Variants in IL1RAPL2 observed in about 807,000 individuals in gnomAD.
The protein encoded by IL1RAPL2 is X-linked interleukin-1 receptor accessory protein-like 2.
Under a neutral mutation model 44.1 loss-of-function variants are expected in IL1RAPL2, and 3 were observed. That is an observed-to-expected ratio of 0.07 (90% confidence interval 0.03 to 0.18). IL1RAPL2 has a LOEUF of 0.18. IL1RAPL2 is among the 10% of genes least tolerant of loss of function. The probability of loss-of-function intolerance (pLI) is 1.00; values close to 1 mark genes in which losing one functional copy is unlikely to be tolerated. For synonymous variants in IL1RAPL2, 181 were observed against 178.8 expected, an observed-to-expected ratio of 1.01 and a Z score of -0.10; for missense variants, 391 against 496.4, an observed-to-expected ratio of 0.79 and a Z score of 2.02.
At chrX:104,672,970 T>G (rs1393014639) in intron 2 of IL1RAPL2, among the ~76,000 whole-genome samples, 3 of 111,802 alleles carry the variant, frequency 2.7e-5, no homozygotes, top group East Asian at 2.8e-4. Context: ...TAAATTTGTT[T>G]GAGTTCATTG....
intron 2 of IL1RAPL2, among the ~76,000 whole-genome samples, chrX:105,028,819 T>C (rs970094337): frequency 9.0e-6 from 1 of 111,412 alleles, no homozygotes; most frequent in Non-Finnish European, 1.9e-5. Context: ...AGTTCTTTTC[T>C]TTAGATATTA....
chrX:104,993,295 C>T (rs1244644548), intron 2 of IL1RAPL2, among the ~76,000 whole-genome samples: 1 of 111,303 alleles, frequency 9.0e-6, no homozygotes, highest in Non-Finnish European at 1.9e-5. Flanking sequence ...TTTGCAAGTT[C>T]AGCTGTTATT....
intron 2 of IL1RAPL2, among the ~76,000 whole-genome samples, chrX:104,865,207 T>A (rs1602767165): frequency 9.0e-6 from 1 of 111,728 alleles, no homozygotes; most frequent in Admixed American, 9.5e-5. Flanking sequence ...CAGAGGTTAG[T>A]GCCACCAACA....
intron 2 of IL1RAPL2, among the ~76,000 whole-genome samples, chrX:104,989,925 C>G (rs2030631553): frequency 9.0e-6 from 1 of 111,675 alleles, no homozygotes; most frequent in African/African-American, 3.2e-5. Context: ...CTTGTTTCTT[C>G]CTCCTGCCTT....
chrX:105,043,738 G>A (rs910742784), intron 2 of IL1RAPL2, among the ~76,000 whole-genome samples: 1 of 110,928 alleles, frequency 9.0e-6, no homozygotes, highest in Non-Finnish European at 1.9e-5. Flanking sequence ...ACAAGTCTGA[G>A]TTGAAGGGAG....
At chrX:104,981,946 AATGG>A (rs764296203) in intron 2 of IL1RAPL2, among the ~76,000 whole-genome samples, 1 of 110,704 alleles carries the variant, frequency 9.0e-6, no homozygotes, top group African/African-American at 3.3e-5. Flanking sequence ...TTACTTTTAC[AATGG>A]ATGCAAAGAA....
chrX:104,838,200 G>GGCTATACAA (rs1356012253), intron 2 of IL1RAPL2, among the ~76,000 whole-genome samples: 1 of 111,476 alleles, frequency 9.0e-6, no homozygotes, highest in African/African-American at 3.3e-5. Flanking sequence ...GAATTTTCTT[G>GGCTATACAA]GCTATACAAG....
intron 1 of IL1RAPL2, among the ~76,000 whole-genome samples, chrX:104,627,367 A>T (rs1228087797): frequency 4.8e-5 from 5 of 105,032 alleles, no homozygotes; most frequent in Non-Finnish European, 7.8e-5. Context: ...AAGCATTAGG[A>T]GATATACCTA....
intron 4 of IL1RAPL2, among the ~76,000 whole-genome samples, chrX:105,264,220 C>T (rs1487929825): frequency 9.0e-6 from 1 of 110,693 alleles, no homozygotes; most frequent in African/African-American, 3.3e-5. Context: ...AGGGGCTTCT[C>T]CTTTTGCTGG....
chrX:105,683,158 G>A (rs1344620404), intron 6 of IL1RAPL2, among the ~76,000 whole-genome samples: 1 of 111,448 alleles, frequency 9.0e-6, no homozygotes, highest in African/African-American at 3.3e-5. Context: ...GCAGATTAAC[G>A]GGAAACAACA....
chrX:105,330,476 C>A (rs1254441616), intron 5 of IL1RAPL2, among the ~76,000 whole-genome samples: 1 of 111,319 alleles, frequency 9.0e-6, no homozygotes, highest in Non-Finnish European at 1.9e-5. Flanking sequence ...GATATCTCTC[C>A]TGGTTCTACA....
intron 2 of IL1RAPL2, among the ~76,000 whole-genome samples, chrX:104,903,099 T>C (rs1923865862): frequency 8.9e-6 from 1 of 111,855 alleles, no homozygotes; most frequent in Non-Finnish European, 1.9e-5. Context: ...TAAATGTTGA[T>C]GATATTCAAT....
At chrX:105,329,377 G>T (rs953383618) in intron 5 of IL1RAPL2, among the ~76,000 whole-genome samples, 8 of 111,622 alleles carry the variant, frequency 7.2e-5, no homozygotes, top group African/African-American at 2.6e-4. Flanking sequence ...AATAAATAGA[G>T]GCAGAACTCT....
chrX:105,010,746 G>A (rs2031035009), intron 2 of IL1RAPL2, among the ~76,000 whole-genome samples: 1 of 111,420 alleles, frequency 9.0e-6, no homozygotes, highest in Non-Finnish European at 1.9e-5. Context: ...AAAGAAATTA[G>A]CTGAAATAAT....
intron 2 of IL1RAPL2, among the ~76,000 whole-genome samples, chrX:105,181,009 T>C (rs1440790447): frequency 8.9e-6 from 1 of 112,207 alleles, no homozygotes; most frequent in Non-Finnish European, 1.9e-5. Flanking sequence ...GCAATTGTGC[T>C]ACTCATTATT....
intron 1 of IL1RAPL2, among the ~76,000 whole-genome samples, chrX:104,638,202 T>C (rs1158578716): frequency 9.0e-6 from 1 of 111,144 alleles, no homozygotes; most frequent in Non-Finnish European, 1.9e-5. Flanking sequence ...GTAGTATCAG[T>C]TGAAATGTTT....
At chrX:105,291,813 T>C (rs1272354699) in intron 5 of IL1RAPL2, among the ~76,000 whole-genome samples, 1 of 111,723 alleles carries the variant, frequency 9.0e-6, no homozygotes, top group African/African-American at 3.3e-5. Flanking sequence ...GCTATTTTCC[T>C]AATAATACAG....
chrX:105,521,899 A>C (rs755096785), intron 6 of IL1RAPL2, among the ~76,000 whole-genome samples: 3 of 112,443 alleles, frequency 2.7e-5, no homozygotes, highest in Non-Finnish European at 5.6e-5. Context: ...GGTCCACAGA[A>C]TACATACATG....
chrX:104,613,920 G>T (rs7050745), intron 1 of IL1RAPL2, among the ~76,000 whole-genome samples: 1,332 of 108,084 alleles, frequency 0.012, 31 homozygotes, highest in African/African-American at 0.042. Context: ...TCAATCTTGG[G>T]AGAGTGTGTG....
Sources: allele counts gnomAD v4.1 joint callset (sites outside exome capture counted in the v4.1 genomes callset), GRCh38; gene constraint gnomAD v4.1.1; transcripts MANE v1.5; gene names NCBI Gene and HGNC (gene_info 2026-07-23, HGNC 2026-07-21).